RAD51AP2: variants seen among roughly 807,000 people sequenced by gnomAD.
The protein encoded by RAD51AP2 is RAD51 associated protein 2, also known as RAD51-associated protein 2.
A neutral mutation model predicts 85.5 loss-of-function variants in RAD51AP2; 67 were observed. That is an observed-to-expected ratio of 0.78 (90% CI 0.64 to 0.96). RAD51AP2 has a LOEUF of 0.96. Among genes scored for constraint, RAD51AP2 ranks in the 40% least tolerant of loss-of-function variants. RAD51AP2 has a pLI of 0.00. For missense variants in RAD51AP2, 1,307 were observed against 1,332.4 expected, an observed-to-expected ratio of 0.98 and a Z score of 0.30; for synonymous variants, 474 against 446.5, an observed-to-expected ratio of 1.06 and a Z score of -0.78.
At chr2:17,525,114 G>A in the RAD51AP2 span, among the ~76,000 whole-genome samples, 1 of 151,888 alleles carries the variant, frequency 6.6e-6, no homozygotes, top group African/African-American at 2.4e-5. Context: ...AGAAGGCTTG[G>A]CCAATCAGGG....
In RAD51AP2 at chr2:17,515,485, C is replaced by T. The variant is rs1289183214; in HGVS notation, c.2931G>A (p.Met977Ile). The change falls in exon 1 of 3, where the codon ATG becomes ATA. Residue 977 changes from methionine (M) to isoleucine (I), a missense_variant. Met to Ile is a conservative substitution (Grantham distance 10). This residue lies in a region of RAD51AP2 where 668 missense variants were observed against 671.0 expected (regional missense o/e 1.00). Transcript: ENST00000399080. The stretch of plus-strand genomic sequence containing the variant: ...CATTTTCCCTACTAATTTCATGAAA[C>T]ATACGAAGTTCTTCAAGTACTAAGT... ...KFDLVLEELR[M>I]FHEISRENEL... The T allele has an allele frequency of 6.2e-7, 1 of 1,613,398 alleles. No individual in the cohort carries two copies. The highest frequency in any genetic ancestry group is 8.5e-7 in the Non-Finnish European group (1 of 1,179,742).
Position 17,510,746 on chromosome 2 carries a change from T to A in RAD51AP2, c.*58A>T. The A allele has an allele frequency of 8.0e-7, 1 of 1,249,230 alleles. No homozygotes were observed. The highest frequency in any genetic ancestry group is 1.1e-6 in the Non-Finnish European group (1 of 920,262). The allele number at this position is 1,249,230 out of a possible 1,614,324, so 77.4% of individuals were successfully genotyped here. ...CCCAAACCCCCAAGCTGGAAGAACA[T>A]ATATCCAAAGAAAACAAAACATTTC... is the stretch of plus-strand genomic sequence containing the variant. On this transcript the variant is annotated 3_prime_UTR_variant, in exon 3 of 3. Transcript: ENST00000399080.
the RAD51AP2 span, among the ~76,000 whole-genome samples, chr2:17,535,275 A>G: frequency 1.3e-5 from 2 of 152,284 alleles, no homozygotes; most frequent in Admixed American, 1.3e-4. Context: ...ATTATTACCT[A>G]TTTGGTATAC....
chr2:17,535,651 A>G, the RAD51AP2 span, among the ~76,000 whole-genome samples: 7 of 152,140 alleles, frequency 4.6e-5, no homozygotes, highest in African/African-American at 1.4e-4. Context: ...TCTAATTTAG[A>G]GGACTGGGTT....
rs779348607 is a variant in RAD51AP2, at chr2:17,515,287, A to G, written c.3129T>C (p.Ser1043=). ...DTIAGPNMGK[S]HQSLFKWKTV... is the part of the protein sequence containing the mutation. ...TTTTCCATTTAAATAAACTTTGGTG[A>G]CTTTTGCCCATATTAGGACCTGCTA... The change falls in exon 1 of 3, where the codon AGT becomes AGC. Residue 1043 remains serine, a synonymous_variant. Coordinates refer to ENST00000399080, the MANE Select transcript of RAD51AP2 (RefSeq NM_001099218.3). 3.1e-6 allele frequency: 5 copies of G among 1,613,786 alleles called. No homozygotes were observed. In the East Asian group the frequency reaches 1.1e-4, roughly 36 times the overall value.
At position 17,517,053 on chromosome 2, in the gene RAD51AP2, A is replaced by C. The variant is rs778035282; in HGVS notation, c.1363T>G (p.Tyr455Asp). 1 of 1,611,632 alleles carries C rather than the reference A, an allele frequency of 6.2e-7. No homozygotes were observed. ...DYHCAKVINA[Y>D]EEQSKLLVRE... ...ACGAGAAGCTTTGATTGTTCTTCAT[A>C]TGCATTGATGACTTTTGCACAGTGG... is the stretch of plus-strand genomic sequence containing the variant. The change falls in exon 1 of 3, where the codon TAT (tyrosine) becomes GAT (aspartate). Residue 455 changes from tyrosine to aspartate, a missense_variant. Around this residue, in one of 3 missense-constraint regions of RAD51AP2, gnomAD observed 635 missense variants for 643.6 expected, o/e 0.99. Coordinates refer to ENST00000399080, the MANE Select transcript of RAD51AP2 (RefSeq NM_001099218.3).
In RAD51AP2 at chr2:17,515,191, T is replaced by G. The variant is rs768488462; in HGVS notation, c.3225A>C (p.Leu1075Phe). ...TACCTTTCTCAGAAGTAGAGTAAAG[T>G]AATTCTTCCTCTGATCTACTTGGAT... ...SCYPSRSEEE[L>F]LYSTSEKDCE... is the part of the protein sequence containing the mutation. The change falls in exon 1 of 3, where the codon TTA becomes TTC. Residue 1075 changes from leucine (L) to phenylalanine (F), a missense_variant. Transcript: ENST00000399080. The G allele has an allele frequency of 2.5e-6, 4 of 1,578,036 alleles. No homozygotes were observed. In the African/African-American group the frequency reaches 5.5e-5, roughly 22 times the overall value.
chr2:17,517,655 C>CTA lies in RAD51AP2; in HGVS notation c.759_760dup (p.Ser254IlefsTer5). 6.2e-7 allele frequency: 1 copy of CTA among 1,614,070 alleles called. No homozygotes were observed. The highest frequency in any genetic ancestry group is 8.5e-7 in the Non-Finnish European group (1 of 1,180,004). On this transcript the variant is annotated frameshift_variant, in exon 1 of 3. Transcript: ENST00000399080. LOFTEE classifies it high-confidence loss of function. ...AAACTGAGGGACACTTATTGTGCCGCTATCTCTAAAATAGCTAGGTTTGGC... is the reference window on the plus strand; with the variant it reads ...AAACTGAGGGACACTTATTGTGCCGCTATATCTCTAAAATAGCTAGGTTTGGC...
upstream of RAD51AP2, among the ~76,000 whole-genome samples, chr2:17,519,805 T>C (rs562611999): frequency 6.6e-6 from 1 of 152,336 alleles, no homozygotes; most frequent in Non-Finnish European, 1.5e-5. Flanking sequence ...TGCTTTTCTA[T>C]CCCAGATTTT....
chr2:17,531,403 G>C, the RAD51AP2 span, among the ~76,000 whole-genome samples: 1 of 151,718 alleles, frequency 6.6e-6, no homozygotes, highest in Non-Finnish European at 1.5e-5. Flanking sequence ...CAACATGTTT[G>C]AACTTCTAAT....
In RAD51AP2 at chr2:17,515,494, T is replaced by A. The variant is rs185396411; in HGVS notation, c.2922A>T (p.Glu974Asp). The change falls in exon 1 of 3, where the codon GAA becomes GAT. Residue 974 changes from glutamate to aspartate, a missense_variant. Glu to Asp is a conservative substitution (Grantham distance 45). This residue lies in a region of RAD51AP2 where 668 missense variants were observed against 671.0 expected (regional missense o/e 1.00). Transcript: ENST00000399080. ...MKRKFDLVLE[E>D]LRMFHEISRE... The stretch of plus-strand genomic sequence containing the variant: ...TACTAATTTCATGAAACATACGAAG[T>A]TCTTCAAGTACTAAGTCAAATTTTC... The A allele has an allele frequency of 1.8e-4, 284 of 1,613,324 alleles. 2 individuals are homozygous for A. In the East Asian group the frequency reaches 2.6e-3, roughly 15 times the overall value.
chr2:17,520,688 A>T (rs1455178683), upstream of RAD51AP2, among the ~76,000 whole-genome samples: 1 of 152,070 alleles, frequency 6.6e-6, no homozygotes, highest in Non-Finnish European at 1.5e-5. Context: ...ATCAATATCA[A>T]GTCTAATGTC....
In RAD51AP2 at chr2:17,510,586, C is replaced by T. The variant is rs924150772; in HGVS notation, c.*218G>A. On this transcript the variant is annotated 3_prime_UTR_variant, in exon 3 of 3. Transcript: ENST00000399080. Reference sequence around the variant, plus strand: ...AAATAATAAGTCAACATGTTTTATCCAATAATGAAACGGCTTTAATGTGTA... The same window carrying T: ...AAATAATAAGTCAACATGTTTTATCTAATAATGAAACGGCTTTAATGTGTA... The T allele has an allele frequency of 3.3e-6, 1 of 304,370 alleles. No homozygotes were observed. The highest frequency in any genetic ancestry group is 5.9e-6 in the Non-Finnish European group (1 of 168,272). 18.9% of individuals were successfully genotyped at this position (304,370 alleles called of 1,614,324 possible).
At chr2:17,534,045 TTTCTTCC>T in the RAD51AP2 span, among the ~76,000 whole-genome samples, 1 of 152,206 alleles carries the variant, frequency 6.6e-6, no homozygotes, top group Non-Finnish European at 1.5e-5. Context: ...TCCAATAGAA[TTTCTTCC>T]TTCTTTGTTA....
upstream of RAD51AP2, among the ~76,000 whole-genome samples, chr2:17,521,188 G>A (rs549089258): frequency 4.6e-5 from 7 of 152,186 alleles, no homozygotes; most frequent in African/African-American, 1.4e-4. Context: ...GATTCATGGT[G>A]TCTTGAAAGT....
At chr2:17,511,357 T>C (rs537857941) in intron 2 of RAD51AP2, among the ~76,000 whole-genome samples, 14 of 152,288 alleles carry the variant, frequency 9.2e-5, no homozygotes, top group African/African-American at 3.4e-4. Flanking sequence ...TGGTTTCTAA[T>C]GGAGGTTATT....
chr2:17,532,115 C>T, the RAD51AP2 span, among the ~76,000 whole-genome samples: 1 of 152,134 alleles, frequency 6.6e-6, no homozygotes, highest in Non-Finnish European at 1.5e-5. Flanking sequence ...TATTCTTTAT[C>T]ATAAACCTAA....
Position 17,518,379 on chromosome 2 carries a change from G to A in RAD51AP2, c.37C>T (p.Leu13Phe), listed in dbSNP as rs1291087027. The change falls in exon 1 of 3, where the codon CTC becomes TTC. Residue 13 changes from leucine (L) to phenylalanine (F), a missense_variant. Transcript: ENST00000399080. ...GTTAAAGAGGAGGTAGGCTTTCTGA[G>A]CTCGGCCATCCGCGGCGTGGGCTGA... ...LPQPTPRMAE[L>F]RKPTSSLTPP... 8.7e-6 allele frequency: 14 copies of A among 1,613,182 alleles called. No individual in the cohort carries two copies. The highest frequency in any genetic ancestry group is 2.7e-5 in the African/African-American group (2 of 74,880).
chr2:17,525,950 G>C, the RAD51AP2 span, among the ~76,000 whole-genome samples: 6 of 152,120 alleles, frequency 3.9e-5, no homozygotes, highest in East Asian at 1.2e-3. Flanking sequence ...ATCATGATTG[G>C]AGTAAAGAGA....
Sources: allele counts gnomAD v4.1 joint callset (sites outside exome capture counted in the v4.1 genomes callset), GRCh38; gene constraint gnomAD v4.1.1; regional missense constraint gnomAD v4.1.1; transcripts MANE v1.5; gene names NCBI Gene and HGNC (gene_info 2026-07-23, HGNC 2026-07-21).